USP40: variants seen among roughly 807,000 people sequenced by gnomAD.
The protein encoded by USP40 is ubiquitin carboxyl-terminal hydrolase 40.
Under a neutral mutation model 166.2 loss-of-function variants are expected in USP40, and 143 were observed. That is an observed-to-expected ratio of 0.86 (90% CI 0.75 to 0.99). The LOEUF is 0.99. USP40 is among the 50% of genes least tolerant of loss of function. USP40 has a pLI of 0.00. For missense variants in USP40, 1,444 were observed against 1,479.7 expected (o/e 0.98, Z 0.40); for synonymous variants, 498 against 524.0 (o/e 0.95, Z 0.68).
chr2:233,551,616 G>C (rs1260835170), intron 6 of USP40, 97 bp from the exon 7 acceptor site: 2 of 1,168,066 alleles, frequency 1.7e-6, no homozygotes, highest in Non-Finnish European at 2.4e-6. Context: ...CTATGACACA[G>C]TTCTAAGAGA....
intron 13 of USP40, among the ~76,000 whole-genome samples, chr2:233,526,052 G>C (rs1046087528): frequency 1.3e-5 from 2 of 152,156 alleles, no homozygotes; most frequent in African/African-American, 4.8e-5. Flanking sequence ...CCATGGCTTT[G>C]CTCTTTAAGT....
Position 233,477,131 on chromosome 2 carries a change from G to A in USP40, c.*261C>T, listed in dbSNP as rs1296711771. 2.0e-6 allele frequency: 1 copy of A among 497,484 alleles called. No individual in the cohort carries two copies. Among genetic ancestry groups the A allele is most frequent in the Non-Finnish European group, 3.7e-6 (1 of 271,470 alleles). The allele number at this position is 497,484 out of a possible 1,614,324, so 30.8% of individuals were successfully genotyped here. ...GAAAAAAAAAGGCAGCTGGGGCCGG[G>A]TGCTGTGTGAGAGAGCCCAGCACCT... On this transcript the variant is annotated 3_prime_UTR_variant, in exon 32 of 32. Coordinates refer to ENST00000678225, the MANE Select transcript of USP40 (RefSeq NM_001365479.2).
At chr2:233,558,710 T>C (rs1413425157) in intron 4 of USP40, among the ~76,000 whole-genome samples, 1 of 152,242 alleles carries the variant, frequency 6.6e-6, no homozygotes, top group African/African-American at 2.4e-5. Context: ...TCTGTGAATA[T>C]GCTAGAAAGC....
chr2:233,541,494 G>T (rs976827718), intron 9 of USP40, among the ~76,000 whole-genome samples: 1 of 152,152 alleles, frequency 6.6e-6, no homozygotes, highest in Non-Finnish European at 1.5e-5. Context: ...AACCAAAACT[G>T]CCAACACCTT....
chr2:233,527,726 T>A, intron 12 of USP40, 148 bp from the exon 13 acceptor site: 1 of 690,916 alleles, frequency 1.4e-6, no homozygotes, highest in South Asian at 2.5e-5. Context: ...TTAGTCACTT[T>A]AATTTTTCAG....
intron 5 of USP40, among the ~76,000 whole-genome samples, chr2:233,555,335 G>A (rs2070971374): frequency 6.6e-6 from 1 of 152,062 alleles, no homozygotes; most frequent in South Asian, 2.1e-4. Flanking sequence ...TTACAATTTG[G>A]CAAATTTAAT....
Position 233,488,250 on chromosome 2 carries a change from G to A in USP40, c.3186C>T (p.Gly1062=), listed in dbSNP as rs559670628. 338 of 1,603,676 alleles carry A rather than the reference G, an allele frequency of 2.1e-4. 4 individuals carry two copies. In the South Asian group the frequency reaches 3.3e-3, roughly 16 times the overall value. The change falls in exon 28 of 32, where the codon GGC becomes GGT. Residue 1062 remains glycine, a synonymous_variant. Coordinates refer to ENST00000678225, the MANE Select transcript of USP40 (RefSeq NM_001365479.2). ...GGAGAATTTCTTACCCCAAGTTTTC[G>A]CCTTTCTGAAGGGGCTCTAAGCAGA... is the stretch of plus-strand genomic sequence containing the variant. ...IEICLEPLQK[G]ENLGPQDVLL...
chr2:233,554,552 G>C (rs374578540), intron 5 of USP40, 26 bp from the exon 6 acceptor site: 66 of 1,566,222 alleles, frequency 4.2e-5, no homozygotes, highest in Middle Eastern at 3.4e-4. Context: ...ATATAATATT[G>C]AAAAACAATT....
At chr2:233,543,262 A>G (rs2069593447) in intron 8 of USP40, among the ~76,000 whole-genome samples, 1 of 152,230 alleles carries the variant, frequency 6.6e-6, no homozygotes, top group South Asian at 2.1e-4. Flanking sequence ...TAAGTGATGG[A>G]AAAATATGGC....
At chr2:233,497,422 A>G (rs1366005246) in intron 23 of USP40, among the ~76,000 whole-genome samples, 2 of 152,174 alleles carry the variant, frequency 1.3e-5, no homozygotes, top group Non-Finnish European at 2.9e-5. Flanking sequence ...GAAAGCCATA[A>G]TAATTTAGGT....
At chr2:233,534,481 T>C (rs2068795457) in intron 10 of USP40, among the ~76,000 whole-genome samples, 1 of 152,204 alleles carries the variant, frequency 6.6e-6, no homozygotes, top group Non-Finnish European at 1.5e-5. Flanking sequence ...AGAAAATTAC[T>C]TGGGAGTTAA....
chr2:233,515,190 G>A (rs1399306450), intron 18 of USP40, among the ~76,000 whole-genome samples: 7 of 152,216 alleles, frequency 4.6e-5, no homozygotes, highest in South Asian at 2.1e-4. Context: ...TCCAGTTTGG[G>A]GTTAGGAACA....
chr2:233,522,660 T>TG (rs1340528477), intron 16 of USP40, among the ~76,000 whole-genome samples: 2 of 152,150 alleles, frequency 1.3e-5, no homozygotes, highest in African/African-American at 4.8e-5. Flanking sequence ...ACAGGATTCA[T>TG]GGGGGTAATT....
At chr2:233,494,915 C>CATTTATATATATATATATATATATAT (rs1265219527) in intron 24 of USP40, among the ~76,000 whole-genome samples, 1 of 11,370 alleles carries the variant, frequency 8.8e-5, no homozygotes, top group East Asian at 3.5e-3. Flanking sequence ...AGCAAAATGG[C>CATTTATATATATATATATATATATAT]ATATATATAT....
intron 30 of USP40, 129 bp downstream of exon 30, chr2:233,485,402 A>T: frequency 1.0e-5 from 8 of 785,274 alleles, no homozygotes; most frequent in Non-Finnish European, 1.6e-5. Flanking sequence ...CCTCTTTTTT[A>T]TCCATTCTCT....
At chr2:233,502,604 G>A (rs1457974427) in intron 21 of USP40, among the ~76,000 whole-genome samples, 2 of 152,046 alleles carry the variant, frequency 1.3e-5, no homozygotes, top group Non-Finnish European at 2.9e-5. Context: ...CCAATAGCAA[G>A]TGTGGCAGTA....
rs1335024305 is a variant in USP40, at chr2:233,559,874, G to T, written c.318C>A (p.Leu106=). The T allele has an allele frequency of 6.2e-7, 1 of 1,610,532 alleles. No homozygotes were observed. The highest frequency in any genetic ancestry group is 8.5e-7 in the Non-Finnish European group (1 of 1,178,474). Residue 106 remains leucine, a synonymous_variant, in exon 4 of 32, where the codon CTC becomes CTA. Transcript: ENST00000678225. The stretch of plus-strand genomic sequence containing the variant: ...CTGTGGATGCAGCTTCCTGGTCTAA[G>T]AGCAGAAGCTGAGCAAACAAGCGCT... ...QLQRLFAQLL[L]LDQEAASTAD...
intron 28 of USP40, 79 bp downstream of exon 28, chr2:233,488,160 T>G: frequency 8.3e-7 from 1 of 1,198,636 alleles, no homozygotes; most frequent in East Asian, 2.5e-5. Context: ...TGCTACACTA[T>G]GAAGTTGTTA....
rs369733556 is a variant in USP40 at position 233,555,530 on chromosome 2, G to A, written c.547-1004C>T. On this transcript the variant is annotated intron_variant, in intron 5 of 31. Transcript: ENST00000678225. ...TTTAATTTATAATGGCCTTACATAT[G>A]TTGTTTTGAAAATACTCTGATTTAC... Among the ~76,000 whole-genome samples, 217 of 151,754 alleles carry A rather than the reference G, an allele frequency of 1.4e-3. 4 individuals carry two copies. In the South Asian group the frequency reaches 0.043, roughly 30 times the overall value.
Sources: allele counts gnomAD v4.1 joint callset (sites outside exome capture counted in the v4.1 genomes callset), GRCh38; gene constraint gnomAD v4.1.1; transcripts MANE v1.5; gene names NCBI Gene and HGNC (gene_info 2026-07-23, HGNC 2026-07-21).